Variants in CSMD1 observed in about 807,000 individuals in gnomAD.
CSMD1 encodes the protein CUB and sushi domain-containing protein 1.
Under a neutral mutation model 417.5 loss-of-function variants are expected in CSMD1, and 213 were observed. The observed-to-expected ratio is 0.51, with a 90% CI of 0.46 to 0.57. The LOEUF is 0.57. Ranked by LOEUF, CSMD1 falls within the 20% of genes least tolerant of loss-of-function variation. The pLI is 0.00. For synonymous variants in CSMD1, 2,862 were observed against 1,736.8 expected (o/e 1.65, Z -16.11); for missense variants, 6,923 against 4,529.7 (o/e 1.53, Z -15.17).
chr8:4,271,771 G>T (rs1351845395), intron 3 of CSMD1, among the ~76,000 whole-genome samples: 2 of 152,148 alleles, frequency 1.3e-5, no homozygotes, highest in African/African-American at 4.8e-5. Flanking sequence ...AAAAATGGAT[G>T]CAGCTTCCAC....
At chr8:3,644,490 T>C (rs1486569501) in intron 7 of CSMD1, among the ~76,000 whole-genome samples, 3 of 152,176 alleles carry the variant, frequency 2.0e-5, no homozygotes, top group African/African-American at 7.2e-5. Context: ...ATCAAGGCTT[T>C]TGCTCTGATT....
At chr8:3,905,857 G>T (rs917997573) in intron 5 of CSMD1, among the ~76,000 whole-genome samples, 1 of 152,154 alleles carries the variant, frequency 6.6e-6, no homozygotes, top group Non-Finnish European at 1.5e-5. Context: ...CCGGACTGTG[G>T]ACCCAATTTA....
chr8:4,514,939 A>G (rs1329117571), intron 2 of CSMD1, among the ~76,000 whole-genome samples: 1 of 152,222 alleles, frequency 6.6e-6, no homozygotes, highest in Non-Finnish European at 1.5e-5. Flanking sequence ...CTCATTCATT[A>G]CATATCTCAC....
intron 12 of CSMD1, among the ~76,000 whole-genome samples, chr8:3,454,907 T>C (rs1816006088): frequency 6.6e-6 from 1 of 152,200 alleles, no homozygotes; most frequent in Non-Finnish European, 1.5e-5. Context: ...TGCAGAGTGT[T>C]TTCCAACTTG....
At chr8:4,455,829 G>C (rs1312243734) in intron 2 of CSMD1, among the ~76,000 whole-genome samples, 2 of 146,180 alleles carry the variant, frequency 1.4e-5, no homozygotes, top group East Asian at 4.2e-4. Flanking sequence ...TACTCAGGAG[G>C]CTGAGGCAAG....
chr8:4,354,998 C>A (rs970336107), intron 3 of CSMD1, among the ~76,000 whole-genome samples: 1 of 151,914 alleles, frequency 6.6e-6, no homozygotes, highest in Non-Finnish European at 1.5e-5. Context: ...CACGGTGGCT[C>A]ACGCCTGTAA....
At chr8:4,761,606 C>G (rs1585056957) in intron 1 of CSMD1, among the ~76,000 whole-genome samples, 1 of 151,930 alleles carries the variant, frequency 6.6e-6, no homozygotes, top group East Asian at 1.9e-4. Context: ...TATTATAAAC[C>G]ATTTATCTTT....
chr8:3,498,237 T>A (rs566470909), intron 10 of CSMD1, among the ~76,000 whole-genome samples: 1 of 152,208 alleles, frequency 6.6e-6, no homozygotes, highest in African/African-American at 2.4e-5. Context: ...GACTTCTCTT[T>A]GTCTTTGAAG....
chr8:4,237,532 T>G (rs1435036747), intron 3 of CSMD1, among the ~76,000 whole-genome samples: 3 of 65,430 alleles, frequency 4.6e-5, no homozygotes. Context: ...CAGTCAATAC[T>G]ACTTTTTTTT....
At chr8:4,018,300 T>A (rs1212750137) in intron 4 of CSMD1, among the ~76,000 whole-genome samples, 1 of 152,052 alleles carries the variant, frequency 6.6e-6, no homozygotes, top group Non-Finnish European at 1.5e-5. Context: ...TTACAGTCTG[T>A]GGCCATTTTT....
At chr8:4,249,402 A>G (rs1372023143) in intron 3 of CSMD1, among the ~76,000 whole-genome samples, 2 of 152,228 alleles carry the variant, frequency 1.3e-5, no homozygotes, top group Admixed American at 6.5e-5. Flanking sequence ...CAACTTTTGC[A>G]AAGTAAACTA....
intron 26 of CSMD1, among the ~76,000 whole-genome samples, chr8:3,280,889 A>G (rs182960208): frequency 2.6e-4 from 40 of 152,308 alleles, no homozygotes; most frequent in Non-Finnish European, 4.4e-4. Context: ...TGTTCTCTGA[A>G]GAGAGAATCA....
At chr8:3,407,495 T>G (rs1031398534) in intron 14 of CSMD1, among the ~76,000 whole-genome samples, 1 of 150,182 alleles carries the variant, frequency 6.7e-6, no homozygotes, top group Non-Finnish European at 1.5e-5. Context: ...ATGGATGAAA[T>G]GATGGATGGA....
At chr8:3,966,692 G>A (rs1003965105) in intron 5 of CSMD1, among the ~76,000 whole-genome samples, 5 of 151,962 alleles carry the variant, frequency 3.3e-5, no homozygotes, top group Non-Finnish European at 7.4e-5. Flanking sequence ...CCACCACAGC[G>A]TATGCCATGC....
At chr8:4,471,736 G>T (rs554926148) in intron 2 of CSMD1, among the ~76,000 whole-genome samples, 1 of 114,582 alleles carries the variant, frequency 8.7e-6, no homozygotes, top group African/African-American at 2.6e-5. Context: ...AACACGCGGA[G>T]AAAAGAAGTT....
chr8:4,900,606 G>A (rs931044113), intron 1 of CSMD1, among the ~76,000 whole-genome samples: 6 of 152,096 alleles, frequency 3.9e-5, no homozygotes, highest in Admixed American at 2.0e-4. Context: ...AGCATCTCTG[G>A]TTCCAGATTC....
chr8:4,126,525 G>T (rs1441264798), intron 3 of CSMD1, among the ~76,000 whole-genome samples: 1 of 152,144 alleles, frequency 6.6e-6, no homozygotes, highest in Non-Finnish European at 1.5e-5. Flanking sequence ...CCCACTGATG[G>T]TCAGTGCTGC....
chr8:4,782,882 T>C (rs1029134860), intron 1 of CSMD1, among the ~76,000 whole-genome samples: 1 of 151,984 alleles, frequency 6.6e-6, no homozygotes, highest in Non-Finnish European at 1.5e-5. Flanking sequence ...CTTTATGATG[T>C]ACATGTTTTT....
chr8:4,993,775 G>C (rs1258786616), intron 1 of CSMD1, among the ~76,000 whole-genome samples: 2 of 152,224 alleles, frequency 1.3e-5, no homozygotes, highest in East Asian at 3.8e-4. Context: ...CGCCGGCTGA[G>C]GACGTTGGAG....
Sources: gnomAD v4.1 joint callset for allele counts (sites outside exome capture counted in the v4.1 genomes callset) on GRCh38, gnomAD v4.1.1 for gene constraint, MANE v1.5 for transcripts, NCBI Gene and HGNC (gene_info 2026-07-23, HGNC 2026-07-21) for gene names.